Variants in KCNIP1 observed in about 807,000 individuals in gnomAD.
KCNIP1 encodes potassium voltage-gated channel interacting protein 1.
In KCNIP1, 18 loss-of-function variants were observed where a neutral mutation model predicts 33.0. The observed-to-expected ratio is 0.55, with a 90% CI of 0.38 to 0.81. The LOEUF (loss-of-function observed/expected upper bound fraction) is 0.81. Among genes scored for constraint, KCNIP1 ranks in the 30% least tolerant of loss-of-function variants. The pLI is 0.00. For synonymous variants in KCNIP1, 93 were observed against 98.3 expected (o/e 0.95, Z 0.32); for missense variants, 238 against 271.6 (o/e 0.88, Z 0.87).
At chr5:170,403,339 C>A (rs766354822) in intron 1 of KCNIP1, among the ~76,000 whole-genome samples, 1 of 152,178 alleles carries the variant, frequency 6.6e-6, no homozygotes, top group Non-Finnish European at 1.5e-5. Flanking sequence ...AGGAAAAATA[C>A]GAGAAACATA....
At chr5:170,441,657 A>C (rs1309430808) in intron 1 of KCNIP1, among the ~76,000 whole-genome samples, 1 of 152,094 alleles carries the variant, frequency 6.6e-6, no homozygotes, top group African/African-American at 2.4e-5. Context: ...TTTGAGAGAA[A>C]ATGTAGTCTT....
At chr5:170,690,091 C>T (rs777061055) in intron 1 of KCNIP1, among the ~76,000 whole-genome samples, 4 of 152,142 alleles carry the variant, frequency 2.6e-5, no homozygotes, top group Non-Finnish European at 5.9e-5. Flanking sequence ...CCTACTGCCC[C>T]GCACGGTGCC....
chr5:170,716,711 T>C (rs1433952395), intron 1 of KCNIP1, among the ~76,000 whole-genome samples: 1 of 152,190 alleles, frequency 6.6e-6, no homozygotes, highest in Non-Finnish European at 1.5e-5. Flanking sequence ...AATTACTTAG[T>C]GCATTTTTTA....
At chr5:170,514,086 C>A (rs997477421) in intron 1 of KCNIP1, among the ~76,000 whole-genome samples, 1 of 152,142 alleles carries the variant, frequency 6.6e-6, no homozygotes, top group Middle Eastern at 3.2e-3. Context: ...GAGGGCATAT[C>A]CAGGACAAGC....
At chr5:170,676,765 C>T (rs972749487) in intron 1 of KCNIP1, among the ~76,000 whole-genome samples, 6 of 152,152 alleles carry the variant, frequency 3.9e-5, no homozygotes, top group East Asian at 1.9e-4. Flanking sequence ...CATTGCACCA[C>T]GGGGCCTCTC....
At chr5:170,655,889 G>A (rs896145185) in intron 1 of KCNIP1, among the ~76,000 whole-genome samples, 6 of 152,096 alleles carry the variant, frequency 3.9e-5, no homozygotes, top group African/African-American at 9.7e-5. Flanking sequence ...TCGGCCACCC[G>A]GCAAGAAATT....
At chr5:170,598,902 C>CACGT (rs1758568375) in intron 1 of KCNIP1, among the ~76,000 whole-genome samples, 3 of 50,430 alleles carry the variant, frequency 5.9e-5, no homozygotes, top group African/African-American at 1.6e-4. Flanking sequence ...TGTGTGTGTG[C>CACGT]GCGTGTGTGT....
intron 1 of KCNIP1, among the ~76,000 whole-genome samples, chr5:170,356,095 G>C (rs1268782530): frequency 2.0e-5 from 3 of 152,202 alleles, no homozygotes; most frequent in African/African-American, 7.2e-5. Context: ...GCTGAGAAAG[G>C]CCTGCAGAGA....
At chr5:170,604,159 G>A (rs775219628) in intron 1 of KCNIP1, among the ~76,000 whole-genome samples, 4 of 152,236 alleles carry the variant, frequency 2.6e-5, no homozygotes, top group South Asian at 2.1e-4. Flanking sequence ...AACAGGTGGC[G>A]CCATTTACCA....
At chr5:170,469,538 C>G (rs1374413777) in intron 1 of KCNIP1, among the ~76,000 whole-genome samples, 2 of 152,204 alleles carry the variant, frequency 1.3e-5, no homozygotes, top group Non-Finnish European at 2.9e-5. Flanking sequence ...GCCCAAACTT[C>G]TCTCAAGAGT....
chr5:170,414,235 C>G (rs1755269145), intron 1 of KCNIP1, among the ~76,000 whole-genome samples: 1 of 152,224 alleles, frequency 6.6e-6, no homozygotes, highest in African/African-American at 2.4e-5. Flanking sequence ...GTGAGACATG[C>G]AATCAACCCG....
At chr5:170,552,553 A>G (rs973724539) in intron 1 of KCNIP1, among the ~76,000 whole-genome samples, 14 of 152,178 alleles carry the variant, frequency 9.2e-5, no homozygotes, top group African/African-American at 3.4e-4. Context: ...TCGGGCTTCC[A>G]TAACAGGTAG....
chr5:170,704,926 T>C (rs1273612548), intron 1 of KCNIP1, among the ~76,000 whole-genome samples: 1 of 152,196 alleles, frequency 6.6e-6, no homozygotes, highest in Non-Finnish European at 1.5e-5. Context: ...ATTTCCTCTT[T>C]TTATGATGGT....
At chr5:170,620,670 G>A (rs1197327588) in intron 1 of KCNIP1, among the ~76,000 whole-genome samples, 2 of 152,102 alleles carry the variant, frequency 1.3e-5, no homozygotes, top group Middle Eastern at 3.2e-3. Context: ...AATTTTTGGA[G>A]AAATAAAACA....
At chr5:170,543,752 G>T (rs189848596) in intron 1 of KCNIP1, among the ~76,000 whole-genome samples, 1 of 152,166 alleles carries the variant, frequency 6.6e-6, no homozygotes, top group Non-Finnish European at 1.5e-5. Flanking sequence ...GTTTAACTCT[G>T]CCAGTTTCTC....
intron 1 of KCNIP1, chr5:170,375,175 C>T (rs918339284): frequency 6.6e-6 from 1 of 152,236 alleles, no homozygotes; most frequent in Non-Finnish European, 1.5e-5. Flanking sequence ...AATACAGAGA[C>T]ATTCCGTGCC....
exon 1 of KCNIP1, chr5:170,353,572 G>GGA: frequency 4.1e-6 from 2 of 482,284 alleles, no homozygotes; most frequent in Non-Finnish European, 3.8e-6. Flanking sequence ...CGGTTCCCTT[G>GGA]GAGTACCTTG....
intron 1 of KCNIP1, among the ~76,000 whole-genome samples, chr5:170,434,019 A>G (rs981218463): frequency 6.6e-6 from 1 of 152,168 alleles, no homozygotes; most frequent in Non-Finnish European, 1.5e-5. Context: ...TCTGACCTCA[A>G]AAAGAGTTTT....
chr5:170,373,113 T>A (rs1763891912), intron 1 of KCNIP1, among the ~76,000 whole-genome samples: 1 of 152,182 alleles, frequency 6.6e-6, no homozygotes. Flanking sequence ...AATGTACTTA[T>A]GTAAGTGGGG....
Sources: gnomAD v4.1 joint callset for allele counts (sites outside exome capture counted in the v4.1 genomes callset) on GRCh38, gnomAD v4.1.1 for gene constraint, MANE v1.5 for transcripts, NCBI Gene and HGNC (gene_info 2026-07-23, HGNC 2026-07-21) for gene names.